Variants in FLNB observed in about 807,000 individuals in gnomAD.
FLNB encodes filamin B.
In FLNB, 111 loss-of-function variants were observed where a neutral mutation model predicts 250.6. That is an observed-to-expected ratio of 0.44 (90% CI 0.38 to 0.52). FLNB has a LOEUF of 0.52. Ranked by LOEUF, FLNB falls within the 20% of genes least tolerant of loss-of-function variation. The pLI is 0.00. For missense variants in FLNB, 2,869 were observed against 3,447.8 expected (o/e 0.83, Z 4.20); for synonymous variants, 1,302 against 1,372.1 (o/e 0.95, Z 1.13).
At chr3:58,035,532 A>T (rs2097136832) in intron 1 of FLNB, among the ~76,000 whole-genome samples, 3 of 152,152 alleles carry the variant, frequency 2.0e-5, no homozygotes, top group Non-Finnish European at 4.4e-5. Context: ...GAGTTGAAAG[A>T]AATAATGAAT....
rs1205986890 is a variant in FLNB at position 58,111,786 on chromosome 3, T to C, written c.2485-5T>C. On this transcript the variant is annotated splice_polypyrimidine_tract_variant and splice_region_variant and intron_variant, in intron 16 of 45. Transcript: ENST00000295956. ...TTTCCTACTAAGACTGTGTCTCTGC[T>C]ACAGGAAATCCCCGCCAGCCCTTTC... is the stretch of plus-strand genomic sequence containing the variant. 1 of 1,611,844 alleles carries C rather than the reference T, an allele frequency of 6.2e-7. No homozygotes were observed. Among genetic ancestry groups the C allele is most frequent in the South Asian group, 1.1e-5 (1 of 91,030 alleles).
At chr3:58,102,934 G>T (rs1284413876) in intron 9 of FLNB, among the ~76,000 whole-genome samples, 1 of 152,198 alleles carries the variant, frequency 6.6e-6, no homozygotes, top group Non-Finnish European at 1.5e-5. Flanking sequence ...GGAGACAGCA[G>T]ATGTGGGGAT....
At chr3:58,063,336 A>G (rs537603062) in intron 1 of FLNB, among the ~76,000 whole-genome samples, 2 of 152,266 alleles carry the variant, frequency 1.3e-5, no homozygotes, top group African/African-American at 4.8e-5. Flanking sequence ...CACCCGTAAG[A>G]AGGAGGTCGG....
intron 1 of FLNB, among the ~76,000 whole-genome samples, chr3:58,069,962 G>A (rs1466903225): frequency 6.6e-6 from 1 of 151,684 alleles, no homozygotes; most frequent in Non-Finnish European, 1.5e-5. Context: ...AGGTACTTAA[G>A]TATTAGGAAA....
intron 1 of FLNB, among the ~76,000 whole-genome samples, chr3:58,018,480 G>A (rs1021796002): frequency 1.3e-5 from 2 of 151,184 alleles, no homozygotes; most frequent in African/African-American, 2.4e-5. Context: ...GATTACAGGC[G>A]CCTGCCACCT....
intron 25 of FLNB, chr3:58,132,002 G>C (rs1559717494): frequency 1.0e-5 from 16 of 1,535,954 alleles, no homozygotes; most frequent in Non-Finnish European, 1.3e-5. Flanking sequence ...GACCCGAAGG[G>C]TGACTTTAAT....
chr3:58,082,018 A>C (rs528036179), intron 4 of FLNB, among the ~76,000 whole-genome samples: 1 of 146,982 alleles, frequency 6.8e-6, no homozygotes, highest in African/African-American at 2.4e-5. Context: ...ATTTTAGTGC[A>C]GTAGCCCATT....
intron 18 of FLNB, 59 bp downstream of exon 18, chr3:58,112,377 C>T (rs1269224988): frequency 1.1e-5 from 17 of 1,539,662 alleles, no homozygotes; most frequent in South Asian, 2.2e-5. Context: ...TCTATGCAGT[C>T]GGTGCTGGGT....
At chr3:58,040,412 G>A (rs75483309) in intron 1 of FLNB, among the ~76,000 whole-genome samples, 3,365 of 152,278 alleles carry the variant, frequency 0.022, 130 homozygotes, top group African/African-American at 0.076. Context: ...TAAGGTGGGG[G>A]CAGCTTCTGG....
intron 2 of FLNB, chr3:58,078,145 C>G (rs2097204285): frequency 2.1e-6 from 1 of 472,626 alleles, no homozygotes; most frequent in African/African-American, 2.1e-5. Flanking sequence ...TGGTGTCATC[C>G]AGGAAAAATT....
intron 1 of FLNB, among the ~76,000 whole-genome samples, chr3:58,057,458 C>T (rs1357731419): frequency 6.6e-6 from 1 of 152,194 alleles, no homozygotes; most frequent in Non-Finnish European, 1.5e-5. Context: ...GGAGCTGTGC[C>T]TGAAGGGTAT....
rs2097288294 is a variant in FLNB, at chr3:58,121,237, C to T, written c.2864-4C>T. On this transcript the variant is annotated splice_polypyrimidine_tract_variant and splice_region_variant and intron_variant, in intron 19 of 45. Coordinates refer to ENST00000295956, the MANE Select transcript of FLNB (RefSeq NM_001457.4). ...CTTCACCTCAGCTTGTGTTTCTTTT[C>T]CAGGGGTGGAAGTTGGGAAGGATCA... 1 of 1,614,126 alleles carries T rather than the reference C, an allele frequency of 6.2e-7. No individual in the cohort carries two copies. Among genetic ancestry groups the T allele is most frequent in the Non-Finnish European group, 8.5e-7 (1 of 1,180,026 alleles).
Position 58,008,424 on chromosome 3 carries a change from A to C in FLNB, c.-141A>C, listed in dbSNP as rs2097093451. On this transcript the variant is annotated 5_prime_UTR_variant, in exon 1 of 46. Transcript: ENST00000295956. ...CGCGGCCAGGGGCGGGCGGCCGCAG[A>C]GCAGCACCGGCCGTGGCTCCGGTAG... The C allele has an allele frequency of 2.0e-6, 2 of 1,018,010 alleles. No individual in the cohort carries two copies. Among genetic ancestry groups the C allele is most frequent in the Admixed American group, 2.1e-5 (1 of 48,398 alleles). 63.1% of individuals were successfully genotyped at this position (1,018,010 alleles called of 1,614,324 possible).
rs754733249 is a variant in FLNB, at chr3:58,109,249, C to T, written c.2126C>T (p.Thr709Ile). The stretch of plus-strand genomic sequence containing the variant: ...GACGGCACATATGCATGCTCATACA[C>T]CCCGGTGAAGGCCATCAAGCACACC... ...RMDGTYACSYTPVKAIKHTIA... is the reference protein window; with the variant it reads ...RMDGTYACSYIPVKAIKHTIA... Residue 709 changes from threonine (T) to isoleucine (I), a missense_variant, in exon 14 of 46, where the codon ACC (threonine) becomes ATC (isoleucine). By Grantham distance (89) the Thr-to-Ile change is moderately conservative. Around this residue, in one of 5 missense-constraint regions of FLNB, gnomAD observed 1,348 missense variants for 1,466.7 expected, o/e 0.92. Coordinates refer to ENST00000295956, the MANE Select transcript of FLNB (RefSeq NM_001457.4). 1.2e-6 allele frequency: 2 copies of T among 1,614,226 alleles called. No individual in the cohort carries two copies. Among genetic ancestry groups the T allele is most frequent in the African/African-American group, 1.3e-5 (1 of 75,064 alleles).
chr3:58,116,443 C>T (rs2097278074), intron 18 of FLNB, among the ~76,000 whole-genome samples: 1 of 152,192 alleles, frequency 6.6e-6, no homozygotes, highest in South Asian at 2.1e-4. Context: ...GAGCCGAGGT[C>T]CTGCCTGAGT....
chr3:58,139,616 T>C (rs2097322973), intron 29 of FLNB, among the ~76,000 whole-genome samples: 1 of 152,256 alleles, frequency 6.6e-6, no homozygotes, highest in Non-Finnish European at 1.5e-5. Context: ...GTCTCAAGTA[T>C]GTAAATGTAA....
At chr3:58,154,632 CA>C in intron 39 of FLNB, 158 bp from the exon 40 acceptor site, 1 of 693,512 alleles carries the variant, frequency 1.4e-6, no homozygotes, top group South Asian at 1.7e-5. Flanking sequence ...GAAACTTCAG[CA>C]ATGGACCTTG....
chr3:58,109,379 G>T, intron 14 of FLNB, 57 bp downstream of exon 14: 2 of 1,591,652 alleles, frequency 1.3e-6, no homozygotes, highest in Non-Finnish European at 8.6e-7. Context: ...CATACACCAG[G>T]TCTGGGATCC....
intron 1 of FLNB, among the ~76,000 whole-genome samples, chr3:58,056,130 C>G (rs1473800071): frequency 6.9e-6 from 1 of 145,578 alleles, no homozygotes; most frequent in Admixed American, 7.1e-5. Context: ...GAGGTGGAGT[C>G]TCACTCTGTC....
Sources: allele counts gnomAD v4.1 joint callset (sites outside exome capture counted in the v4.1 genomes callset), GRCh38; gene constraint gnomAD v4.1.1; regional missense constraint gnomAD v4.1.1; transcripts MANE v1.5; gene names NCBI Gene and HGNC (gene_info 2026-07-23, HGNC 2026-07-21).